Variants in GBF1 observed in about 807,000 individuals in gnomAD.
GBF1 encodes Golgi-specific brefeldin A-resistance guanine nucleotide exchange factor 1.
GBF1 carries 114 observed loss-of-function variants against 210.5 expected under a neutral mutation model. The observed-to-expected ratio is 0.54, with a 90% confidence interval of 0.47 to 0.63. The LOEUF (loss-of-function observed/expected upper bound fraction) is 0.63. Among genes scored for constraint, GBF1 ranks in the 30% least tolerant of loss-of-function variants. GBF1 has a pLI of 0.00. For missense variants in GBF1, 1,851 were observed against 2,357.7 expected, an observed-to-expected ratio of 0.79 and a Z score of 4.45; for synonymous variants, 850 against 889.2, an observed-to-expected ratio of 0.96 and a Z score of 0.78.
chr10:102,333,515 G>A (rs2057491612), intron 3 of GBF1, among the ~76,000 whole-genome samples: 1 of 151,426 alleles, frequency 6.6e-6, no homozygotes, highest in Non-Finnish European at 1.5e-5. Context: ...CTGTTGCTCA[G>A]GGTAGAATGC....
At chr10:102,319,478 A>C (rs754323649) in intron 3 of GBF1, among the ~76,000 whole-genome samples, 3 of 152,134 alleles carry the variant, frequency 2.0e-5, no homozygotes, top group Non-Finnish European at 4.4e-5. Flanking sequence ...TTCTTCTCAA[A>C]TTCTACAAGT....
intron 36 of GBF1, 99 bp downstream of exon 36, chr10:102,380,053 G>C: frequency 2.4e-6 from 2 of 836,928 alleles, no homozygotes; most frequent in South Asian, 3.0e-5. Context: ...TGCACTGTAG[G>C]TGCTCACAAC....
chr10:102,262,460 A>C (rs995590270), intron 3 of GBF1, among the ~76,000 whole-genome samples: 23 of 152,198 alleles, frequency 1.5e-4, no homozygotes, highest in African/African-American at 4.8e-4. Context: ...TCTTCTTAAG[A>C]GATATTAAGA....
chr10:102,273,703 A>G (rs2074655131), intron 3 of GBF1, among the ~76,000 whole-genome samples: 1 of 152,202 alleles, frequency 6.6e-6, no homozygotes. Context: ...CTTCATCCCT[A>G]TCAACTTTGA....
At chr10:102,292,828 GA>G (rs1458981333) in intron 3 of GBF1, among the ~76,000 whole-genome samples, 1 of 152,168 alleles carries the variant, frequency 6.6e-6, no homozygotes, top group East Asian at 1.9e-4. Flanking sequence ...ATATTTTAAA[GA>G]GGTAAATATA....
chr10:102,252,989 G>C (rs1214130549), intron 1 of GBF1, among the ~76,000 whole-genome samples: 1 of 152,090 alleles, frequency 6.6e-6, no homozygotes, highest in Non-Finnish European at 1.5e-5. Context: ...CCACCTCCTG[G>C]GTTCAAGCAA....
intron 29 of GBF1, among the ~76,000 whole-genome samples, chr10:102,373,324 C>T: frequency 6.6e-6 from 1 of 152,220 alleles, no homozygotes; most frequent in East Asian, 1.9e-4. Flanking sequence ...CCTGTAAGCC[C>T]AGCACTTTGG....
chr10:102,249,593 T>G (rs2071245575), intron 1 of GBF1, among the ~76,000 whole-genome samples: 1 of 152,196 alleles, frequency 6.6e-6, no homozygotes, highest in African/African-American at 2.4e-5. Flanking sequence ...TTTCCTAGTT[T>G]AGTAACTTTG....
At position 102,370,483 on chromosome 10, in the gene GBF1, G is replaced by T; in HGVS notation, c.3506+5G>T. Reference sequence around the variant, plus strand: ...AAGGATTGTGTTGGAGAACAGGTAAGATGAGCGTAGTCTTTAGGCAGACCC... The same window carrying T: ...AAGGATTGTGTTGGAGAACAGGTAATATGAGCGTAGTCTTTAGGCAGACCC... On this transcript the variant is annotated splice_donor_5th_base_variant and intron_variant, in intron 28 of 39. Transcript: ENST00000369983. 1.9e-6 allele frequency: 3 copies of T among 1,602,046 alleles called. No homozygotes were observed. The highest frequency in any genetic ancestry group is 2.6e-6 in the Non-Finnish European group (3 of 1,168,892).
upstream of GBF1, among the ~76,000 whole-genome samples, chr10:102,240,931 C>A (rs2070518823): frequency 6.6e-6 from 1 of 152,206 alleles, no homozygotes; most frequent in Non-Finnish European, 1.5e-5. Flanking sequence ...CGTCAACTGC[C>A]CCCACACTGG....
chr10:102,317,438 G>A (rs1251967627), intron 3 of GBF1, among the ~76,000 whole-genome samples: 2 of 151,990 alleles, frequency 1.3e-5, no homozygotes, highest in African/African-American at 2.4e-5. Context: ...GGCCAACGTG[G>A]AGAAACCCCA....
rs769751505 is a variant in GBF1 at position 102,379,310 on chromosome 10, C to T, written c.4521C>T (p.His1507=). 3 of 1,613,750 alleles carry T rather than the reference C, an allele frequency of 1.9e-6. No individual in the cohort carries two copies. The highest frequency in any genetic ancestry group is 3.4e-4 in the Middle Eastern group (2 of 5,814). ...TGCTAGACCTGATGCACACCCTGCA[C>T]ACGCGGGCAGCCTCTATCTACAGCT... ...QDLLDLMHTL[H]TRAASIYSSW... is the part of the protein sequence containing the mutation. The change falls in exon 34 of 40, where the codon CAC becomes CAT. Residue 1507 remains histidine, a synonymous_variant. Transcript: ENST00000369983.
chr10:102,242,527 C>T (rs1341337130), upstream of GBF1, among the ~76,000 whole-genome samples: 1 of 152,200 alleles, frequency 6.6e-6, no homozygotes, highest in Non-Finnish European at 1.5e-5. Flanking sequence ...GACCAAGGAA[C>T]ATCCTGGCAG....
At chr10:102,380,776 G>T in intron 38 of GBF1, 90 bp downstream of exon 38, 1 of 1,098,030 alleles carries the variant, frequency 9.1e-7, no homozygotes, top group Admixed American at 2.2e-5. Flanking sequence ...GAGAGGCCGA[G>T]GTGGGTGGAT....
intron 3 of GBF1, among the ~76,000 whole-genome samples, chr10:102,281,052 T>C (rs1005875224): frequency 2.0e-5 from 3 of 152,158 alleles, no homozygotes; most frequent in Non-Finnish European, 4.4e-5. Context: ...TGTTTCTACA[T>C]TTGAAGTTGG....
chr10:102,374,325 G>A (rs921812508), intron 29 of GBF1, among the ~76,000 whole-genome samples: 2 of 151,206 alleles, frequency 1.3e-5, no homozygotes, highest in Non-Finnish European at 2.9e-5. Context: ...TCTAGCCTGG[G>A]CAACAGAGTA....
At chr10:102,243,099 AT>A (rs2070581252), upstream of GBF1, among the ~76,000 whole-genome samples, 1 of 151,882 alleles carries the variant, frequency 6.6e-6, no homozygotes, top group Non-Finnish European at 1.5e-5. Context: ...TTCATCTCCA[AT>A]TTCCTAGTAG....
At chr10:102,338,721 C>T (rs563377750) in intron 3 of GBF1, among the ~76,000 whole-genome samples, 13 of 151,598 alleles carry the variant, frequency 8.6e-5, no homozygotes, top group African/African-American at 2.2e-4. Context: ...CCAAGGCAGG[C>T]GGATTACCTG....
intron 30 of GBF1, 57 bp downstream of exon 30, chr10:102,375,641 T>A: frequency 8.9e-7 from 1 of 1,125,182 alleles, no homozygotes; most frequent in African/African-American, 1.5e-5. Flanking sequence ...ACCCCAGGAG[T>A]TGGGACAGGA....
Sources: gnomAD v4.1 joint callset for allele counts (sites outside exome capture counted in the v4.1 genomes callset) on GRCh38, gnomAD v4.1.1 for gene constraint, MANE v1.5 for transcripts, NCBI Gene and HGNC (gene_info 2026-07-23, HGNC 2026-07-21) for gene names.